Variants in THEMIS observed in about 807,000 individuals in gnomAD.
The protein encoded by THEMIS is thymocyte selection associated, also known as protein THEMIS.
In THEMIS, 37 loss-of-function variants were observed where a neutral mutation model predicts 52.6. The observed-to-expected ratio is 0.70, with a 90% confidence interval of 0.54 to 0.93. The LOEUF (loss-of-function observed/expected upper bound fraction) is 0.93. Ranked by LOEUF, THEMIS falls within the 40% of genes least tolerant of loss-of-function variation. The probability of loss-of-function intolerance (pLI) is 0.00; values close to 1 mark genes in which losing one functional copy is unlikely to be tolerated. For missense variants in THEMIS, 808 were observed against 763.1 expected (o/e 1.06, Z -0.69); for synonymous variants, 292 against 272.7 (o/e 1.07, Z -0.70).
At chr6:127,703,241 G>T, downstream of THEMIS, among the ~76,000 whole-genome samples, 1 of 151,460 alleles carries the variant, frequency 6.6e-6, no homozygotes, top group Non-Finnish European at 1.5e-5. Context: ...TAGAGACGGG[G>T]TTTCACCGTT....
chr6:127,838,547 G>T (rs1008537697), intron 2 of THEMIS, among the ~76,000 whole-genome samples: 15 of 151,854 alleles, frequency 9.9e-5, no homozygotes, highest in African/African-American at 3.6e-4. Context: ...TTCATTTTAT[G>T]TATTCAAATA....
chr6:127,703,389 A>T (rs372795540), downstream of THEMIS, among the ~76,000 whole-genome samples: 159 of 152,286 alleles, frequency 1.0e-3, no homozygotes, highest in African/African-American at 3.5e-3. Context: ...AGATACAAGA[A>T]ACAATAAGTA....
In THEMIS at chr6:127,855,053, A is replaced by T. The variant is rs1779571288; in HGVS notation, c.227T>A (p.Phe76Tyr). 1.2e-6 allele frequency: 2 copies of T among 1,607,630 alleles called. No individual in the cohort carries two copies. The highest frequency in any genetic ancestry group is 2.7e-5 in the African/African-American group (2 of 74,502). The change falls in exon 2 of 6, where the codon TTT becomes TAT. Residue 76 changes from phenylalanine to tyrosine, a missense_variant. Physicochemically the swap from Phe to Tyr is conservative, Grantham distance 22 (BLOSUM62 3). Coordinates refer to ENST00000368248, the MANE Select transcript of THEMIS (RefSeq NM_001010923.3). ...QIEGCESLQP[F>Y]ELPMNFPGLF... is the part of the protein sequence containing the mutation. ...ACCTGGAAAATTCATAGGCAGTTCA[A>T]ATGGCTGTAGAGACTCACAACCTTC... is the stretch of plus-strand genomic sequence containing the variant.
chr6:127,742,323 AAAAAACAAAC>A lies in THEMIS; in HGVS notation c.1759-22510_1759-22501del, dbSNP rs1775232197. Among the ~76,000 whole-genome samples the A allele has an allele frequency of 3.3e-5, 5 of 150,336 alleles. No individual in the cohort carries two copies. In the South Asian group the frequency reaches 6.3e-4, roughly 19 times the overall value. On this transcript the variant is annotated intron_variant, in intron 4 of 5. Transcript: ENST00000368248. ...GAGTGAGACTCTGCTTAAAAAAAAA[AAAAAACAAAC>A]AAAAAAACAAACAAAAAAACAAAAA... is the stretch of plus-strand genomic sequence containing the variant.
chr6:127,760,079 ATC>A (rs1455691775), intron 4 of THEMIS, among the ~76,000 whole-genome samples: 40 of 137,020 alleles, frequency 2.9e-4, no homozygotes, highest in African/African-American at 8.8e-4. Context: ...TAAGAATCGA[ATC>A]TCTTTTTTTT....
At chr6:127,787,870 G>GAC (rs1554224591) in intron 4 of THEMIS, among the ~76,000 whole-genome samples, 204 of 95,484 alleles carry the variant, frequency 2.1e-3, no homozygotes, top group African/African-American at 7.2e-3. Context: ...TAGATAGATA[G>GAC]ATAGATAGAT....
At chr6:127,869,090 G>A (rs1056282754) in intron 1 of THEMIS, among the ~76,000 whole-genome samples, 32 of 152,188 alleles carry the variant, frequency 2.1e-4, no homozygotes, top group African/African-American at 7.5e-4. Context: ...CTAAGCTTCT[G>A]GGTTCTGAAG....
intron 3 of THEMIS, among the ~76,000 whole-genome samples, chr6:127,824,751 C>T (rs1242963842): frequency 3.3e-5 from 5 of 152,174 alleles, no homozygotes; most frequent in Non-Finnish European, 7.3e-5. Context: ...CCCGCCTCGG[C>T]CCCCCAAAGT....
chr6:127,752,526 C>A (rs1439040964), intron 4 of THEMIS, among the ~76,000 whole-genome samples: 1 of 151,246 alleles, frequency 6.6e-6, no homozygotes, highest in Non-Finnish European at 1.5e-5. Context: ...CAAATATACA[C>A]CAACATATTG....
At chr6:127,850,942 C>T (rs887517501) in intron 2 of THEMIS, among the ~76,000 whole-genome samples, 3 of 151,398 alleles carry the variant, frequency 2.0e-5, no homozygotes, top group Admixed American at 6.6e-5. Flanking sequence ...ATCAGACTTA[C>T]TAGAGAAGAA....
chr6:127,797,931 T>C (rs889900641), intron 4 of THEMIS, among the ~76,000 whole-genome samples: 5 of 152,174 alleles, frequency 3.3e-5, no homozygotes, highest in African/African-American at 9.7e-5. Context: ...AATGTGGGGG[T>C]TCACAGGCAT....
In THEMIS at chr6:127,844,125, T is replaced by C. The variant is rs368386628; in HGVS notation, c.250+10905A>G. 3.7e-4 allele frequency among the ~76,000 whole-genome samples: 56 copies of C among 152,174 alleles called. No homozygotes were observed. The East Asian group carries it at 6.4e-3, about 17-fold the overall frequency. On this transcript the variant is annotated intron_variant, in intron 2 of 5. Coordinates refer to ENST00000368248, the MANE Select transcript of THEMIS (RefSeq NM_001010923.3). ...GATATTGAACATTTGAAATCACATA[T>C]GAGGTTCATATTATATTTTTATTGG... is the stretch of plus-strand genomic sequence containing the variant.
At chr6:127,826,275 C>A (rs1338788568) in intron 3 of THEMIS, among the ~76,000 whole-genome samples, 2 of 152,054 alleles carry the variant, frequency 1.3e-5, no homozygotes, top group Non-Finnish European at 2.9e-5. Context: ...CACTATTTGA[C>A]TTTTTGGACT....
At chr6:127,882,837 C>T (rs757893749) in intron 1 of THEMIS, among the ~76,000 whole-genome samples, 3 of 151,798 alleles carry the variant, frequency 2.0e-5, no homozygotes, top group Admixed American at 1.3e-4. Context: ...GATTTTACTA[C>T]CACATCACTG....
rs761463801 is a variant in THEMIS, at chr6:127,907,846, ATTTT to A, written c.-149-6769_-149-6766del. On this transcript the variant is annotated intron_variant, in intron 1 of 6. Coordinates refer to the THEMIS transcript ENST00000368250. The stretch of plus-strand genomic sequence containing the variant: ...TACATTCTTCTTTTTATTTTATTTT[ATTTT>A]ATTTTTTTGAGATGGAATCTTGCTC... 3.4e-3 allele frequency among the ~76,000 whole-genome samples: 516 copies of A among 151,596 alleles called. 18 individuals carry two copies. In the East Asian group the frequency reaches 0.077, roughly 23 times the overall value.
At chr6:127,891,076 C>A (rs1780790644) in intron 1 of THEMIS, among the ~76,000 whole-genome samples, 1 of 152,050 alleles carries the variant, frequency 6.6e-6, no homozygotes, top group Admixed American at 6.6e-5. Flanking sequence ...TTTAATATGT[C>A]CAAAACAAAA....
chr6:127,807,664 G>A (rs1777764624), intron 4 of THEMIS, among the ~76,000 whole-genome samples: 1 of 152,226 alleles, frequency 6.6e-6, no homozygotes, highest in South Asian at 2.1e-4. Flanking sequence ...AAAGGTGTGA[G>A]TGTTCAGAAG....
rs528869541 is a variant in THEMIS, at chr6:127,868,139, A to G, written c.92-12951T>C. Among the ~76,000 whole-genome samples the G allele has an allele frequency of 9.2e-5, 14 of 152,296 alleles. 1 individual carries two copies. Among genetic ancestry groups the G allele is most frequent in the African/African-American group, 2.9e-4 (12 of 41,566 alleles). The stretch of plus-strand genomic sequence containing the variant: ...ACATAAGGAAAATAATATTACCTCA[A>G]ATGGCTTTTTTGAGCATCAAATAAA... On this transcript the variant is annotated intron_variant, in intron 1 of 5. Transcript: ENST00000368248.
intron 1 of THEMIS, among the ~76,000 whole-genome samples, chr6:127,900,442 T>C (rs542946491): frequency 6.6e-6 from 1 of 152,248 alleles, no homozygotes; most frequent in African/African-American, 2.4e-5. Context: ...AATACTTCTT[T>C]CTAAACACTG....
Sources: gnomAD v4.1 joint callset for allele counts (sites outside exome capture counted in the v4.1 genomes callset) on GRCh38, gnomAD v4.1.1 for gene constraint, MANE v1.5 for transcripts, NCBI Gene and HGNC (gene_info 2026-07-23, HGNC 2026-07-21) for gene names.